The following C2orf76 variants were observed in gnomAD, a reference collection of about 807,000 sequenced individuals.
The protein encoded by C2orf76 is UPF0538 protein C2orf76.
A neutral mutation model predicts 16.9 loss-of-function variants in C2orf76; 23 were observed. That is an observed-to-expected ratio of 1.36 (90% CI 0.98 to 1.93). The LOEUF (loss-of-function observed/expected upper bound fraction) is 1.93, where lower values mean the gene tolerates loss of function less well. C2orf76 is among the 30% of genes most tolerant of loss of function. C2orf76 has a pLI of 0.00. For missense variants in C2orf76, 152 were observed against 152.6 expected, an observed-to-expected ratio of 1.00 and a Z score of 0.02; for synonymous variants, 48 against 52.3, an observed-to-expected ratio of 0.92 and a Z score of 0.35.
chr2:119,328,721 T>C (rs1273595374), intron 2 of C2orf76, among the ~76,000 whole-genome samples: 2 of 152,168 alleles, frequency 1.3e-5, no homozygotes, highest in Non-Finnish European at 2.9e-5. Context: ...TATTTAGGTG[T>C]TTTAGTACTA....
the C2orf76 span, among the ~76,000 whole-genome samples, chr2:119,294,982 G>A: frequency 6.6e-6 from 1 of 152,156 alleles, no homozygotes; most frequent in African/African-American, 2.4e-5. Flanking sequence ...GGGGGTTGAA[G>A]AGCCTTGGAG....
intron 1 of C2orf76, among the ~76,000 whole-genome samples, chr2:119,357,149 C>CATCAATT (rs1233623460): frequency 3.3e-5 from 5 of 152,068 alleles, no homozygotes; most frequent in Non-Finnish European, 5.9e-5. Flanking sequence ...GAAGAATTAA[C>CATCAATT]ATCAATTGTA....
chr2:119,343,794 C>A (rs1156923224), intron 1 of C2orf76, among the ~76,000 whole-genome samples: 7 of 151,984 alleles, frequency 4.6e-5, no homozygotes, highest in African/African-American at 7.2e-5. Context: ...AACAAACAAA[C>A]AAAAAAACAA....
At chr2:119,328,606 A>T (rs1360978114) in intron 2 of C2orf76, among the ~76,000 whole-genome samples, 1 of 151,952 alleles carries the variant, frequency 6.6e-6, no homozygotes, top group Non-Finnish European at 1.5e-5. Context: ...TTCTGCTGTG[A>T]TCATTATTAT....
the C2orf76 span, among the ~76,000 whole-genome samples, chr2:119,288,219 C>CCTCCACTCAAGGCTCACTCCA: frequency 6.7e-6 from 1 of 149,788 alleles, no homozygotes; most frequent in Non-Finnish European, 1.5e-5. Flanking sequence ...TGCAGTGACG[C>CCTCCACTCAAGGCTCACTCCA]CATCTCGGCT....
intron 5 of C2orf76, among the ~76,000 whole-genome samples, chr2:119,304,236 T>A (rs970646169): frequency 2.0e-5 from 3 of 152,262 alleles, no homozygotes; most frequent in African/African-American, 7.2e-5. Flanking sequence ...CTGTTCTTAA[T>A]AATCACAGAG....
At chr2:119,291,849 G>T in the C2orf76 span, among the ~76,000 whole-genome samples, 2 of 152,044 alleles carry the variant, frequency 1.3e-5, no homozygotes, top group Non-Finnish European at 2.9e-5. Flanking sequence ...AATATGTTTA[G>T]TCAGGCACCG....
At chr2:119,340,009 A>G (rs550213939) in intron 1 of C2orf76, 38 bp from the exon 2 acceptor site, 3 of 1,586,304 alleles carry the variant, frequency 1.9e-6, no homozygotes, top group Non-Finnish European at 2.6e-6. Flanking sequence ...AAATGAAGCC[A>G]GCTCACAGTT....
chr2:119,324,946 C>A (rs1384961612), intron 2 of C2orf76, among the ~76,000 whole-genome samples: 1 of 152,190 alleles, frequency 6.6e-6, no homozygotes, highest in Non-Finnish European at 1.5e-5. Context: ...GGAACATTCA[C>A]ATGGAGGAAA....
At chr2:119,299,575 C>G (rs1406652482), downstream of C2orf76, among the ~76,000 whole-genome samples, 1 of 152,174 alleles carries the variant, frequency 6.6e-6, no homozygotes, top group East Asian at 1.9e-4. Context: ...CAGCAGGGCT[C>G]TGCTCCCTCT....
chr2:119,360,555 G>A (rs544738020), intron 1 of C2orf76, among the ~76,000 whole-genome samples: 27 of 149,952 alleles, frequency 1.8e-4, no homozygotes, highest in South Asian at 4.3e-4. Context: ...CAGACTATAC[G>A]TATAGTGTAA....
In C2orf76 at chr2:119,302,313, A is replaced by G; in HGVS notation, c.*159T>C. ...TTTACAACAACAAAGAAAAAGAAAG[A>G]GAGAAGGAAAGACCTGAAGAGAAAG... On this transcript the variant is annotated 3_prime_UTR_variant, in exon 6 of 6. Transcript: ENST00000334816. 1 of 332,074 alleles carries G rather than the reference A, an allele frequency of 3.0e-6. No homozygotes were observed. 20.6% of individuals were successfully genotyped at this position (332,074 alleles called of 1,614,324 possible). A position where few individuals can be genotyped will look rare whatever the true frequency, so the allele number is the denominator to read the frequency against.
intron 2 of C2orf76, among the ~76,000 whole-genome samples, chr2:119,338,193 C>A (rs1052958610): frequency 1.3e-5 from 2 of 152,112 alleles, no homozygotes; most frequent in Non-Finnish European, 2.9e-5. Flanking sequence ...TTTTTTTGAG[C>A]TAAAGGCAAT....
At chr2:119,367,113 T>G (rs1558804136), upstream of C2orf76, 4 of 1,610,708 alleles carry the variant, frequency 2.5e-6, no homozygotes, top group South Asian at 3.3e-5. Context: ...GGAGGCCCGT[T>G]GGGGGCTCAG....
At chr2:119,340,105 C>T in intron 1 of C2orf76, 134 bp from the exon 2 acceptor site, 1 of 965,622 alleles carries the variant, frequency 1.0e-6, no homozygotes. Context: ...ACAGAGTTCC[C>T]AAACAGAAGC....
chr2:119,322,745 C>T (rs952670561), intron 2 of C2orf76, among the ~76,000 whole-genome samples: 1 of 151,352 alleles, frequency 6.6e-6, no homozygotes, highest in African/African-American at 2.4e-5. Flanking sequence ...CAAGTTACAT[C>T]AAGGCTAAAG....
intron 1 of C2orf76, among the ~76,000 whole-genome samples, chr2:119,340,517 C>G (rs1679991267): frequency 6.6e-6 from 1 of 152,178 alleles, no homozygotes; most frequent in South Asian, 2.1e-4. Context: ...CATCCTAAAA[C>G]TAAGTACTAG....
chr2:119,318,400 AG>A (rs1253191284), intron 3 of C2orf76, among the ~76,000 whole-genome samples: 1 of 152,222 alleles, frequency 6.6e-6, no homozygotes, highest in African/African-American at 2.4e-5. Flanking sequence ...AGGAAATGAA[AG>A]GATCTATTTT....
intron 4 of C2orf76, among the ~76,000 whole-genome samples, chr2:119,313,778 T>C (rs1218429490): frequency 6.6e-6 from 1 of 152,130 alleles, no homozygotes; most frequent in Non-Finnish European, 1.5e-5. Context: ...CACAGTATAT[T>C]AGCAAAGCCT....
Sources: allele counts gnomAD v4.1 joint callset (sites outside exome capture counted in the v4.1 genomes callset), GRCh38; gene constraint gnomAD v4.1.1; transcripts MANE v1.5; gene names NCBI Gene and HGNC (gene_info 2026-07-23, HGNC 2026-07-21).